The following COL28A1 variants were observed in gnomAD, a reference collection of about 807,000 sequenced individuals.
COL28A1 encodes collagen type XXVIII alpha 1 chain.
A neutral mutation model predicts 150.2 loss-of-function variants in COL28A1; 161 were observed. The ratio of observed to expected loss-of-function variants is 1.07; its 90% CI spans 0.94 to 1.22. The LOEUF (loss-of-function observed/expected upper bound fraction) is 1.22. COL28A1 is among the 50% of genes most tolerant of loss of function. COL28A1 has a pLI of 0.00. For synonymous variants in COL28A1, 552 were observed against 469.7 expected, an observed-to-expected ratio of 1.18 and a Z score of -2.26; for missense variants, 1,617 against 1,388.3, an observed-to-expected ratio of 1.16 and a Z score of -2.62.
At chr7:7,418,929 G>C (rs938633668) in intron 26 of COL28A1, among the ~76,000 whole-genome samples, 6 of 152,112 alleles carry the variant, frequency 3.9e-5, no homozygotes, top group Non-Finnish European at 8.8e-5. Context: ...GATAAACTGA[G>C]AATCTTGGTA....
At chr7:7,476,716 T>C (rs928680845) in intron 14 of COL28A1, among the ~76,000 whole-genome samples, 1 of 152,238 alleles carries the variant, frequency 6.6e-6, no homozygotes, top group Non-Finnish European at 1.5e-5. Context: ...ATTATATTGA[T>C]GGCAGTACTA....
intron 3 of COL28A1, among the ~76,000 whole-genome samples, chr7:7,527,365 T>G (rs148366713): frequency 5.9e-5 from 9 of 152,274 alleles, no homozygotes; most frequent in Non-Finnish European, 1.2e-4. Flanking sequence ...TTCTGGATGG[T>G]TTTGAAGAGA....
chr7:7,490,036 T>C (rs1779831523), intron 12 of COL28A1, among the ~76,000 whole-genome samples: 1 of 152,208 alleles, frequency 6.6e-6, no homozygotes. Context: ...CAAAGTCTTA[T>C]TGTCACAACC....
chr7:7,339,433 G>A, the COL28A1 span, among the ~76,000 whole-genome samples: 8 of 152,054 alleles, frequency 5.3e-5, no homozygotes, highest in Non-Finnish European at 1.2e-4. Flanking sequence ...CCTTTTAGTA[G>A]CATTATCAAA....
intron 21 of COL28A1, among the ~76,000 whole-genome samples, chr7:7,438,851 C>T (rs536892355): frequency 1.3e-5 from 2 of 152,308 alleles, no homozygotes; most frequent in African/African-American, 4.8e-5. Context: ...CAGCCTTGAG[C>T]TATGAACGGC....
chr7:7,528,364 A>G (rs1277000681), intron 3 of COL28A1, among the ~76,000 whole-genome samples: 3 of 152,194 alleles, frequency 2.0e-5, no homozygotes, highest in Admixed American at 6.5e-5. Context: ...AATATATTAC[A>G]TGTCTTCTTC....
rs191359962 is a variant in COL28A1 at position 7,438,637 on chromosome 7, A to G, written c.1723-1175T>C. 4.3e-4 allele frequency among the ~76,000 whole-genome samples: 65 copies of G among 152,226 alleles called. 3 individuals carry two copies. The East Asian group carries it at 8.7e-3, about 20-fold the overall frequency. The stretch of plus-strand genomic sequence containing the variant: ...AGAAAATATTACAACTTGTCTCTAT[A>G]TTTTTATCTCATCAATTAAAATTTC... On this transcript the variant is annotated intron_variant, in intron 21 of 34. Coordinates refer to ENST00000399429, the MANE Select transcript of COL28A1 (RefSeq NM_001037763.3).
intron 11 of COL28A1, among the ~76,000 whole-genome samples, chr7:7,505,547 A>C (rs937272240): frequency 3.9e-5 from 6 of 152,236 alleles, no homozygotes. Context: ...CTGATACTAC[A>C]AGCATGGTGC....
chr7:7,492,158 G>A (rs1779947430), intron 11 of COL28A1, among the ~76,000 whole-genome samples: 1 of 152,124 alleles, frequency 6.6e-6, no homozygotes. Flanking sequence ...TGAGATGAAG[G>A]GAGATAAAGG....
the COL28A1 span, among the ~76,000 whole-genome samples, chr7:7,542,449 T>C: frequency 6.6e-6 from 1 of 152,212 alleles, no homozygotes; most frequent in Non-Finnish European, 1.5e-5. Context: ...TGGCAGGTAA[T>C]GGGTTTGCTG....
chr7:7,452,362 GT>G lies in COL28A1; in HGVS notation c.1465del (p.Thr489GlnfsTer21). 1 of 1,603,958 alleles carries G rather than the reference GT, an allele frequency of 6.2e-7. No individual in the cohort carries two copies. Among genetic ancestry groups the G allele is most frequent in the Non-Finnish European group, 8.5e-7 (1 of 1,177,790 alleles). ...SKGEVGQMGP[T>X]GPRGPVGIGV... is the part of the protein sequence containing the mutation. ...AATTCCCACTGGTCCTCGAGGGCCT[GT>G]AGGTCCCATTTGGCCTACTTCTCCC... On this transcript the variant is annotated frameshift_variant, in exon 18 of 35. Transcript: ENST00000399429. LOFTEE classifies it high-confidence loss of function.
At chr7:7,416,881 C>A (rs1784110387) in intron 27 of COL28A1, among the ~76,000 whole-genome samples, 1 of 152,146 alleles carries the variant, frequency 6.6e-6, no homozygotes, top group African/African-American at 2.4e-5. Context: ...CTCCTACTGA[C>A]TAAGAAGTTC....
At chr7:7,478,884 G>A (rs970765520) in intron 13 of COL28A1, among the ~76,000 whole-genome samples, 3 of 152,236 alleles carry the variant, frequency 2.0e-5, no homozygotes, top group Non-Finnish European at 2.9e-5. Context: ...TAGCTGGCCT[G>A]CAAGCGCCAG....
intron 15 of COL28A1, among the ~76,000 whole-genome samples, chr7:7,460,349 T>C (rs1372519365): frequency 6.6e-6 from 1 of 152,122 alleles, no homozygotes; most frequent in Non-Finnish European, 1.5e-5. Flanking sequence ...GGGATGGATA[T>C]ACACTTCTAT....
chr7:7,349,934 A>G, the COL28A1 span, among the ~76,000 whole-genome samples: 6 of 152,114 alleles, frequency 3.9e-5, no homozygotes, highest in African/African-American at 1.4e-4. Context: ...CAAATAGTTC[A>G]GTGTAGCTGA....
chr7:7,520,823 T>C (rs1357486471), intron 5 of COL28A1, among the ~76,000 whole-genome samples: 2 of 152,190 alleles, frequency 1.3e-5, no homozygotes, highest in African/African-American at 2.4e-5. Context: ...TTTCTTACCC[T>C]GGCCATCTCT....
chr7:7,433,282 A>C (rs1785110815), intron 23 of COL28A1, among the ~76,000 whole-genome samples: 1 of 152,134 alleles, frequency 6.6e-6, no homozygotes, highest in Admixed American at 6.5e-5. Flanking sequence ...GCAATCAGAA[A>C]ATTTCTGACT....
chr7:7,373,028 A>C lies in COL28A1; in HGVS notation c.2878T>G (p.Tyr960Asp), dbSNP rs201574213. Residue 960 changes from tyrosine (Y) to aspartate (D), a missense_variant, in exon 32 of 35, where the codon TAC (tyrosine) becomes GAC (aspartate). Tyr to Asp is a radical substitution (Grantham distance 160, BLOSUM62 -3). Coordinates refer to ENST00000399429, the MANE Select transcript of COL28A1 (RefSeq NM_001037763.3). This position sits in a 1 kb window ranked among gnomAD's most constrained non-coding sequence, Gnocchi z 4.1. ...NLIATDPEHV[Y>D]QFDDFFTLQD... Reference sequence around the variant, plus strand: ...AGGGTAAAGAAATCATCAAACTGGTAAACATGCTCTGGGTCAGTAGCAATT... The same window carrying C: ...AGGGTAAAGAAATCATCAAACTGGTCAACATGCTCTGGGTCAGTAGCAATT... 2.5e-5 allele frequency: 41 copies of C among 1,614,068 alleles called. No homozygotes were observed. In the Admixed American group the frequency reaches 6.3e-4, roughly 25 times the overall value.
rs780426838 is a variant in COL28A1 at position 7,373,596 on chromosome 7, G to C, written c.2360-50C>G. 7 of 1,482,882 alleles carry C rather than the reference G, an allele frequency of 4.7e-6. No homozygotes were observed. In the African/African-American group the frequency reaches 8.3e-5, roughly 18 times the overall value. 91.9% of individuals were successfully genotyped at this position (1,482,882 alleles called of 1,614,324 possible). On this transcript the variant is annotated intron_variant, in intron 31 of 34. Transcript: ENST00000399429. This position sits in a 1 kb window ranked among gnomAD's most constrained non-coding sequence, Gnocchi z 4.1. ...AAAATTGTGGGAATGATTGACATCA[G>C]ATTGTTGAGGGGAGGGGAGAAAAAG...
Sources: gnomAD v4.1 joint callset for allele counts (sites outside exome capture counted in the v4.1 genomes callset) on GRCh38, gnomAD v4.1.1 for gene constraint, Gnocchi (gnomAD v3.1) non-coding constraint, MANE v1.5 for transcripts, NCBI Gene and HGNC (gene_info 2026-07-23, HGNC 2026-07-21) for gene names.